GLI3: variants seen among roughly 807,000 people sequenced by gnomAD.
GLI3 encodes GLI family zinc finger 3.
Under a neutral mutation model 100.8 loss-of-function variants are expected in GLI3, and 20 were observed. That is an observed-to-expected ratio of 0.20 (90% CI 0.14 to 0.29). GLI3 has a LOEUF of 0.29. Ranked by LOEUF, GLI3 falls within the 10% of genes least tolerant of loss-of-function variation. The pLI is 1.00. For missense variants in GLI3, 2,040 were observed against 2,128.5 expected (o/e 0.96, Z 0.82); for synonymous variants, 938 against 860.5 (o/e 1.09, Z -1.58).
intron 10 of GLI3, among the ~76,000 whole-genome samples, chr7:42,008,333 G>A (rs1788515838): frequency 6.6e-6 from 1 of 152,208 alleles, no homozygotes; most frequent in Non-Finnish European, 1.5e-5. Flanking sequence ...AGGACAAGCT[G>A]GATGCAGCTC....
At chr7:42,001,659 T>C (rs1315342672) in intron 10 of GLI3, among the ~76,000 whole-genome samples, 2 of 152,150 alleles carry the variant, frequency 1.3e-5, no homozygotes, top group Non-Finnish European at 2.9e-5. Flanking sequence ...GAAGAAGCCA[T>C]TGCATGAGGG....
At chr7:42,079,778 G>T (rs1266408495) in intron 3 of GLI3, among the ~76,000 whole-genome samples, 1 of 152,176 alleles carries the variant, frequency 6.6e-6, no homozygotes, top group South Asian at 2.1e-4. Flanking sequence ...CACCAGGTAA[G>T]TGGGTGTCAA....
chr7:42,249,350 T>G (rs1736845817), intron 1 of GLI3, among the ~76,000 whole-genome samples: 1 of 152,204 alleles, frequency 6.6e-6, no homozygotes, highest in African/African-American at 2.4e-5. Context: ...TCATAATTTT[T>G]ATGTGTCACA....
chr7:42,099,592 G>A (rs1477558482), intron 3 of GLI3, among the ~76,000 whole-genome samples: 2 of 152,166 alleles, frequency 1.3e-5, no homozygotes, highest in African/African-American at 2.4e-5. Context: ...TGCCCAGGCT[G>A]GAGTGCAGAG....
At chr7:42,169,120 G>C (rs1787308849) in intron 2 of GLI3, among the ~76,000 whole-genome samples, 1 of 151,268 alleles carries the variant, frequency 6.6e-6, no homozygotes, top group African/African-American at 2.4e-5. Context: ...GTATAAAATG[G>C]AAAGTGTCAA....
rs762389170 is a variant in GLI3, at chr7:41,977,581, G to T, written c.1789C>A (p.Gln597Lys). ...ACCTCATTGGAATGCGTTCTGTTTT[G>T]GTGTTTGGCGCGATCAGAGGCATTT... The part of the protein sequence containing the change: ...FSNASDRAKH[Q>K]NRTHSNEKPY... Residue 597 changes from glutamine to lysine, a missense_variant, in exon 12 of 15, where the codon CAA becomes AAA. By Grantham distance (53) the Gln-to-Lys change is moderately conservative. Coordinates refer to ENST00000395925, the MANE Select transcript of GLI3 (RefSeq NM_000168.6). 2 of 1,614,152 alleles carry T rather than the reference G, an allele frequency of 1.2e-6. No homozygotes were observed. Among genetic ancestry groups the T allele is most frequent in the South Asian group, 2.2e-5 (2 of 91,074 alleles).
At chr7:42,189,377 A>G (rs1008827214) in intron 2 of GLI3, among the ~76,000 whole-genome samples, 1 of 152,222 alleles carries the variant, frequency 6.6e-6, no homozygotes, top group Admixed American at 6.5e-5. Flanking sequence ...AAAACAAGAT[A>G]GAAACAGATA....
At chr7:42,232,846 T>TAG (rs1788720536) in intron 1 of GLI3, among the ~76,000 whole-genome samples, 1 of 152,216 alleles carries the variant, frequency 6.6e-6, no homozygotes, top group Admixed American at 6.5e-5. Flanking sequence ...CCATAGATTT[T>TAG]CTGAGACATT....
chr7:42,228,129 C>T (rs1391695402), intron 1 of GLI3, among the ~76,000 whole-genome samples: 6 of 152,120 alleles, frequency 3.9e-5, no homozygotes, highest in South Asian at 2.1e-4. Flanking sequence ...CCGCGCAGCG[C>T]TGTCTGCAGC....
At position 42,140,178 on chromosome 7, in the gene GLI3, C is replaced by T. The variant is rs149126396; in HGVS notation, c.367+8048G>A. On this transcript the variant is annotated intron_variant, in intron 3 of 14. Coordinates refer to ENST00000395925, the MANE Select transcript of GLI3 (RefSeq NM_000168.6). The stretch of plus-strand genomic sequence containing the variant: ...CGGGAGGCCTTCTGGACTGCCAAGG[C>T]TGGGTAAGTCCCTCACCTGCTCCCA... Among the ~76,000 whole-genome samples the T allele has an allele frequency of 9.1e-3, 1,385 of 152,328 alleles. 22 individuals are homozygous for T. The highest frequency in any genetic ancestry group is 0.032 in the African/African-American group (1,317 of 41,556).
chr7:42,111,948 G>A (rs1785718885), intron 3 of GLI3, among the ~76,000 whole-genome samples: 1 of 152,162 alleles, frequency 6.6e-6, no homozygotes, highest in Non-Finnish European at 1.5e-5. Context: ...TAGCTCCAGG[G>A]TGTAAAGCCC....
intron 10 of GLI3, among the ~76,000 whole-genome samples, chr7:42,002,909 G>T (rs972192790): frequency 6.6e-6 from 1 of 152,154 alleles, no homozygotes; most frequent in Non-Finnish European, 1.5e-5. Flanking sequence ...TTACTGAGTG[G>T]ATTAAGTTAG....
intron 9 of GLI3, among the ~76,000 whole-genome samples, chr7:42,024,272 T>G (rs953397049): frequency 7.2e-5 from 11 of 152,192 alleles, no homozygotes; most frequent in Non-Finnish European, 1.6e-4. Flanking sequence ...TGTGGCAGCT[T>G]CACAGCAATG....
Position 41,966,387 on chromosome 7 carries a change from C to A in GLI3, c.2686G>T (p.Asp896Tyr), listed in dbSNP as rs1462048687. 6.2e-7 allele frequency: 1 copy of A among 1,610,086 alleles called. No homozygotes were observed. Among genetic ancestry groups the A allele is most frequent in the Admixed American group, 1.7e-5 (1 of 59,964 alleles). ...CGCGAGGCGTCGGTGGAGATGGGGT[C>A]GTAGGAGTCGGCCACGCTCACGTTC... Reference protein sequence around the residue: ...PQNVSVADSYDPISTDASRRS... With the variant: ...PQNVSVADSYYPISTDASRRS... The change falls in exon 15 of 15, where the codon GAC becomes TAC. Residue 896 changes from aspartate to tyrosine, a missense_variant. This residue lies in a region of GLI3 where 8 missense variants were observed against 23.9 expected (regional missense o/e 0.33). Transcript: ENST00000395925. The surrounding 1 kb of genome is among the most constrained non-coding windows in gnomAD (Gnocchi z 5.8).
At chr7:42,176,551 G>C (rs1359794397) in intron 2 of GLI3, among the ~76,000 whole-genome samples, 2 of 152,174 alleles carry the variant, frequency 1.3e-5, no homozygotes, top group Admixed American at 6.5e-5. Context: ...ACAAATAGCG[G>C]GATTGCCAAC....
chr7:42,000,993 T>A (rs938958042), intron 10 of GLI3, among the ~76,000 whole-genome samples: 1 of 151,974 alleles, frequency 6.6e-6, no homozygotes, highest in Non-Finnish European at 1.5e-5. Context: ...ATGCCTGTAA[T>A]CCCAGCACTT....
At chr7:42,012,437 T>C (rs1248684406) in intron 10 of GLI3, among the ~76,000 whole-genome samples, 1 of 152,104 alleles carries the variant, frequency 6.6e-6, no homozygotes, top group Non-Finnish European at 1.5e-5. Flanking sequence ...GACACTACAT[T>C]TACTTGAGTA....
intron 4 of GLI3, among the ~76,000 whole-genome samples, chr7:42,074,174 T>A (rs1035823843): frequency 4.6e-5 from 7 of 152,198 alleles, no homozygotes; most frequent in Admixed American, 2.0e-4. Flanking sequence ...TCAGAGTGCT[T>A]ACATGAACAT....
intron 7 of GLI3, among the ~76,000 whole-genome samples, chr7:42,028,368 GTACT>G (rs1243357181): frequency 6.6e-6 from 1 of 152,154 alleles, no homozygotes; most frequent in Non-Finnish European, 1.5e-5. Flanking sequence ...TAAAAAATCA[GTACT>G]TAATTAAAAA....
Sources: gnomAD v4.1 joint callset for allele counts (sites outside exome capture counted in the v4.1 genomes callset) on GRCh38, gnomAD v4.1.1 for gene constraint, gnomAD v4.1.1 regional missense constraint, Gnocchi (gnomAD v3.1) non-coding constraint, MANE v1.5 for transcripts, NCBI Gene and HGNC (gene_info 2026-07-23, HGNC 2026-07-21) for gene names.